C12orf42: variants seen among roughly 807,000 people sequenced by gnomAD.
The protein encoded by C12orf42 is chromosome 12 open reading frame 42.
Under a neutral mutation model 21.6 loss-of-function variants are expected in C12orf42, and 25 were observed. The observed-to-expected ratio is 1.16, with a 90% confidence interval of 0.84 to 1.62. The LOEUF (loss-of-function observed/expected upper bound fraction) is 1.62. Ranked by LOEUF, C12orf42 falls within the 40% of genes most tolerant of loss-of-function variation. The probability of loss-of-function intolerance (pLI) is 0.00; values close to 1 mark genes in which losing one functional copy is unlikely to be tolerated. For synonymous variants in C12orf42, 174 were observed against 175.0 expected (o/e 0.99, Z 0.05); for missense variants, 483 against 459.3 (o/e 1.05, Z -0.47).
chr12:103,175,783 T>C, the C12orf42 span, among the ~76,000 whole-genome samples: 4 of 152,190 alleles, frequency 2.6e-5, no homozygotes, highest in Non-Finnish European at 5.9e-5. Flanking sequence ...TTCTTAATGC[T>C]GATCTCTGGC....
the C12orf42 span, among the ~76,000 whole-genome samples, chr12:103,548,436 C>T: frequency 8.5e-5 from 13 of 152,070 alleles, no homozygotes; most frequent in African/African-American, 2.9e-4. Context: ...TACTAATCAG[C>T]CACGATTTAG....
At chr12:103,544,510 G>A in the C12orf42 span, among the ~76,000 whole-genome samples, 4 of 152,064 alleles carry the variant, frequency 2.6e-5, no homozygotes, top group Non-Finnish European at 5.9e-5. Flanking sequence ...ACCCTGATTG[G>A]GATGGATTGG....
chr12:103,360,576 G>C (rs139067210), intron 4 of C12orf42, among the ~76,000 whole-genome samples: 2 of 151,884 alleles, frequency 1.3e-5, no homozygotes, highest in African/African-American at 2.4e-5. Context: ...CAAGATCCTA[G>C]TATACCAAAT....
At chr12:103,277,003 AC>A in intron 5 of C12orf42, 1 of 335,494 alleles carries the variant, frequency 3.0e-6, no homozygotes, top group Non-Finnish European at 5.7e-6. Flanking sequence ...TAAAATTTTT[AC>A]AATTAGATAG....
the C12orf42 span, among the ~76,000 whole-genome samples, chr12:103,154,836 T>C: frequency 6.6e-6 from 1 of 152,306 alleles, no homozygotes; most frequent in African/African-American, 2.4e-5. Flanking sequence ...TAAAAATAAC[T>C]TTTTATTTAA....
chr12:103,071,740 C>A, the C12orf42 span, among the ~76,000 whole-genome samples: 1 of 152,144 alleles, frequency 6.6e-6, no homozygotes, highest in Non-Finnish European at 1.5e-5. Context: ...CTTCCCCAGT[C>A]AAGTGGAACT....
intron 10 of C12orf42, among the ~76,000 whole-genome samples, chr12:103,246,244 T>C (rs1047922153): frequency 9.9e-5 from 15 of 152,058 alleles, no homozygotes; most frequent in African/African-American, 3.6e-4. Context: ...CTTTAAATAG[T>C]TGAAGCAGAA....
At chr12:103,359,012 C>T (rs942117435) in intron 4 of C12orf42, among the ~76,000 whole-genome samples, 3 of 152,012 alleles carry the variant, frequency 2.0e-5, no homozygotes, top group Admixed American at 6.6e-5. Context: ...TCTCAAATCA[C>T]GCTACTCTTT....
chr12:103,271,458 C>T (rs543570954), intron 5 of C12orf42, among the ~76,000 whole-genome samples: 2 of 152,088 alleles, frequency 1.3e-5, no homozygotes, highest in African/African-American at 4.8e-5. Flanking sequence ...AGGAGTGAGA[C>T]CTATCAGCTG....
chr12:103,104,404 T>A, the C12orf42 span, among the ~76,000 whole-genome samples: 5 of 152,156 alleles, frequency 3.3e-5, no homozygotes. Context: ...TGTATACCAA[T>A]AGCTAGGCGT....
chr12:103,371,047 A>G (rs2045177594), intron 3 of C12orf42, among the ~76,000 whole-genome samples: 1 of 152,148 alleles, frequency 6.6e-6, no homozygotes, highest in Admixed American at 6.6e-5. Flanking sequence ...TGGATATTAA[A>G]GTATGGATAG....
downstream of C12orf42, among the ~76,000 whole-genome samples, chr12:103,300,626 ATAACT>A (rs1433215562): frequency 3.3e-5 from 5 of 152,238 alleles, no homozygotes; most frequent in African/African-American, 1.2e-4. Context: ...TTGTTTTAAA[ATAACT>A]TAAAGTAATG....
the C12orf42 span, among the ~76,000 whole-genome samples, chr12:103,523,562 T>C: frequency 2.0e-5 from 3 of 151,464 alleles, no homozygotes; most frequent in Admixed American, 6.6e-5. Flanking sequence ...TATATATGTA[T>C]ATATAGTGTT....
intron 3 of C12orf42, among the ~76,000 whole-genome samples, chr12:103,375,575 ATAT>A (rs1270462663): frequency 1.1e-4 from 17 of 152,310 alleles, no homozygotes; most frequent in Admixed American, 5.9e-4. Flanking sequence ...ACATAGCAAC[ATAT>A]TATTATTTAT....
At chr12:103,078,313 A>C in the C12orf42 span, among the ~76,000 whole-genome samples, 1 of 152,200 alleles carries the variant, frequency 6.6e-6, no homozygotes, top group Non-Finnish European at 1.5e-5. Flanking sequence ...GTCACCCAGC[A>C]AGTGGGATTC....
chr12:103,146,592 G>GAAAGAA, the C12orf42 span, among the ~76,000 whole-genome samples: 1 of 148,822 alleles, frequency 6.7e-6, no homozygotes, highest in Non-Finnish European at 1.5e-5. Flanking sequence ...AAGAAAGAAA[G>GAAAGAA]AAAGAAAGAA....
chr12:103,341,195 A>T lies in C12orf42; in HGVS notation c.259+27692T>A, dbSNP rs867290820. 1.0e-3 allele frequency among the ~76,000 whole-genome samples: 155 copies of T among 151,920 alleles called. 1 individual carries two copies. The highest frequency in any genetic ancestry group is 3.4e-3 in the African/African-American group (143 of 41,462). ...AGACAGAAAAAAATAATTTTAAAAA[A>T]TTTAAAAATATTGCCAGGCATGGTG... On this transcript the variant is annotated intron_variant, in intron 4 of 5. Transcript: ENST00000548883.
chr12:103,295,524 C>T (rs754816985), intron 4 of C12orf42, among the ~76,000 whole-genome samples: 7 of 151,954 alleles, frequency 4.6e-5, no homozygotes, highest in Non-Finnish European at 8.8e-5. Context: ...CCCTGTGTTT[C>T]ACTTTCCTCA....
At chr12:103,361,623 G>T (rs1452705859) in intron 4 of C12orf42, among the ~76,000 whole-genome samples, 1 of 152,100 alleles carries the variant, frequency 6.6e-6, no homozygotes, top group Non-Finnish European at 1.5e-5. Context: ...TCCAGGGAAA[G>T]TTCTCAGCCC....
Sources: gnomAD v4.1 joint callset for allele counts (sites outside exome capture counted in the v4.1 genomes callset) on GRCh38, gnomAD v4.1.1 for gene constraint, MANE v1.5 for transcripts, NCBI Gene and HGNC (gene_info 2026-07-23, HGNC 2026-07-21) for gene names.